Variants in COBL observed in about 807,000 individuals in gnomAD.
COBL encodes protein cordon-bleu.
A neutral mutation model predicts 98.8 loss-of-function variants in COBL; 51 were observed. The observed-to-expected ratio is 0.52, with a 90% CI of 0.41 to 0.65. COBL has a LOEUF of 0.65. Ranked by LOEUF, COBL falls within the 30% of genes least tolerant of loss-of-function variation. COBL has a pLI of 0.00. For missense variants in COBL, 1,617 were observed against 1,617.5 expected (o/e 1.00, Z 0.01); for synonymous variants, 634 against 651.7 (o/e 0.97, Z 0.41).
intron 1 of COBL, among the ~76,000 whole-genome samples, chr7:51,257,712 T>A (rs1248741686): frequency 1.3e-5 from 2 of 152,112 alleles, no homozygotes; most frequent in Non-Finnish European, 2.9e-5. Flanking sequence ...AAAATTCTGT[T>A]TTCTAAAAAT....
intron 5 of COBL, among the ~76,000 whole-genome samples, chr7:51,149,015 T>C (rs545224021): frequency 6.6e-6 from 1 of 152,336 alleles, no homozygotes; most frequent in Admixed American, 6.5e-5. Context: ...TTCTGGGTGG[T>C]GTGGTTTTCC....
At chr7:51,045,521 G>A (rs1045233474) in intron 7 of COBL, among the ~76,000 whole-genome samples, 1 of 152,232 alleles carries the variant, frequency 6.6e-6, no homozygotes, top group African/African-American at 2.4e-5. Flanking sequence ...GTGGCACACA[G>A]TAGGGGCCAC....
At chr7:51,152,575 G>A (rs1435557668) in intron 5 of COBL, among the ~76,000 whole-genome samples, 2 of 152,176 alleles carry the variant, frequency 1.3e-5, no homozygotes, top group African/African-American at 4.8e-5. Flanking sequence ...ACATTTTCAA[G>A]GTTTCCCAGG....
chr7:51,123,283 T>A (rs1472381473), intron 6 of COBL, among the ~76,000 whole-genome samples: 1 of 152,200 alleles, frequency 6.6e-6, no homozygotes, highest in Non-Finnish European at 1.5e-5. Flanking sequence ...CCTTTTAACA[T>A]GAATTTGACA....
chr7:51,162,826 A>G (rs190471720), intron 5 of COBL, among the ~76,000 whole-genome samples: 3 of 152,362 alleles, frequency 2.0e-5, no homozygotes, highest in East Asian at 3.9e-4. Context: ...CCGCCAGGCT[A>G]AGCCTCTGTG....
rs1335869896 is a variant in COBL at position 51,203,365 on chromosome 7, G to A, written c.246-9776C>T. 3.6e-4 allele frequency among the ~76,000 whole-genome samples: 48 copies of A among 132,090 alleles called. 3 individuals are homozygous for A. The highest frequency in any genetic ancestry group is 3.8e-3 in the Middle Eastern group (1 of 266). 86.7% of individuals were successfully genotyped at this position (132,090 alleles called of 152,430 possible). On this transcript the variant is annotated intron_variant, in intron 2 of 12. Transcript: ENST00000265136. ...TAGTCCCAGCTACTCGGGAGGCTGA[G>A]GCAGGAGAATGGCGTGAACCCGGGA...
At chr7:51,267,684 C>T (rs1459458831) in intron 1 of COBL, among the ~76,000 whole-genome samples, 1 of 152,092 alleles carries the variant, frequency 6.6e-6, no homozygotes. Flanking sequence ...AAGCAATTCT[C>T]GTGCCTCAGC....
chr7:51,050,440 T>A (rs1790122637), intron 7 of COBL, among the ~76,000 whole-genome samples: 1 of 152,218 alleles, frequency 6.6e-6, no homozygotes, highest in Non-Finnish European at 1.5e-5. Context: ...TCTCACTCTG[T>A]TTGTGTTAAA....
In COBL at chr7:51,028,852, C is replaced by T; in HGVS notation, c.2244G>A (p.Arg748=). 6.2e-7 allele frequency: 1 copy of T among 1,614,206 alleles called. No homozygotes were observed. Among genetic ancestry groups the T allele is most frequent in the Non-Finnish European group, 8.5e-7 (1 of 1,180,038 alleles). ...NLVSPHATGI[R]IISLSSSVPE... ...GCACAGACGAAGACAGGGAAATGATCCTGATGCCGGTGGCGTGAGGACTCA... is the reference window on the plus strand; with the variant it reads ...GCACAGACGAAGACAGGGAAATGATTCTGATGCCGGTGGCGTGAGGACTCA... Residue 748 remains arginine, a synonymous_variant, in exon 10 of 13, where the codon AGG becomes AGA. Coordinates refer to ENST00000265136, the MANE Select transcript of COBL (RefSeq NM_015198.5).
chr7:51,109,838 G>A (rs1384333280), intron 6 of COBL, among the ~76,000 whole-genome samples: 3 of 152,132 alleles, frequency 2.0e-5, no homozygotes, highest in Non-Finnish European at 2.9e-5. Flanking sequence ...CCACAGAAAC[G>A]AAAGGCAGCC....
At chr7:51,287,828 C>T (rs2129183525) in intron 1 of COBL, among the ~76,000 whole-genome samples, 1 of 151,632 alleles carries the variant, frequency 6.6e-6, no homozygotes, top group South Asian at 2.1e-4. Flanking sequence ...AAGTGAGACT[C>T]TGTCTCAAAA....
intron 11 of COBL, among the ~76,000 whole-genome samples, chr7:51,025,965 T>G (rs1411177025): frequency 2.6e-5 from 4 of 152,200 alleles, no homozygotes; most frequent in African/African-American, 9.7e-5. Context: ...CTCATGACTT[T>G]TCTTGGCATA....
At chr7:51,085,974 A>G (rs749106884) in intron 6 of COBL, among the ~76,000 whole-genome samples, 2 of 152,202 alleles carry the variant, frequency 1.3e-5, no homozygotes, top group Non-Finnish European at 2.9e-5. Context: ...AAAGACACAC[A>G]GCTTCTAAAG....
intron 7 of COBL, among the ~76,000 whole-genome samples, chr7:51,058,546 A>G (rs1338095798): frequency 8.9e-6 from 1 of 112,236 alleles, no homozygotes; most frequent in Non-Finnish European, 1.8e-5. Flanking sequence ...GAGCAAGACC[A>G]TGTCTCAAAA....
intron 1 of COBL, among the ~76,000 whole-genome samples, chr7:51,234,527 C>A (rs1249388617): frequency 6.6e-6 from 1 of 151,946 alleles, no homozygotes; most frequent in Admixed American, 6.6e-5. Context: ...ACAGAAAAAC[C>A]CCCTCTCTAC....
At chr7:51,073,512 G>A in intron 7 of COBL, 1 of 469,438 alleles carries the variant, frequency 2.1e-6, no homozygotes, top group Non-Finnish European at 3.8e-6. Context: ...ATCAGCCAAA[G>A]CATATTGTTA....
At chr7:51,205,318 T>C (rs902556111) in intron 2 of COBL, among the ~76,000 whole-genome samples, 10 of 152,118 alleles carry the variant, frequency 6.6e-5, no homozygotes, top group African/African-American at 2.4e-4. Context: ...AAATCAAACA[T>C]GTAGACTAAT....
At chr7:51,193,911 C>T (rs77391516) in intron 2 of COBL, among the ~76,000 whole-genome samples, 7,442 of 152,204 alleles carry the variant, frequency 0.049, 272 homozygotes, top group Middle Eastern at 0.14. Context: ...TTCATGCATA[C>T]AAGACACTAA....
intron 1 of COBL, among the ~76,000 whole-genome samples, chr7:51,313,555 C>A (rs1179435059): frequency 3.3e-5 from 5 of 152,170 alleles, no homozygotes; most frequent in African/African-American, 1.2e-4. Context: ...TTGAATACAG[C>A]CATTGATCAA....
Sources: allele counts gnomAD v4.1 joint callset (sites outside exome capture counted in the v4.1 genomes callset), GRCh38; gene constraint gnomAD v4.1.1; transcripts MANE v1.5; gene names NCBI Gene and HGNC (gene_info 2026-07-23, HGNC 2026-07-21).